The following ANKS1B variants were observed in gnomAD, a reference collection of about 807,000 sequenced individuals.
The protein encoded by ANKS1B is ankyrin repeat and sterile alpha motif domain-containing protein 1B.
In ANKS1B, 36 loss-of-function variants were observed where a neutral mutation model predicts 148.3. The ratio of observed to expected loss-of-function variants is 0.24; its 90% confidence interval spans 0.19 to 0.32. The LOEUF is 0.32. ANKS1B is among the 10% of genes least tolerant of loss of function. The pLI is 1.00. For synonymous variants in ANKS1B, 542 were observed against 560.8 expected (o/e 0.97, Z 0.47); for missense variants, 1,157 against 1,542.6 (o/e 0.75, Z 4.19).
At chr12:99,393,211 A>G (rs2094137353) in intron 12 of ANKS1B, among the ~76,000 whole-genome samples, 1 of 152,206 alleles carries the variant, frequency 6.6e-6, no homozygotes, top group African/African-American at 2.4e-5. Flanking sequence ...TTACCCGAGG[A>G]AAGAAGAACA....
At chr12:99,327,272 ATTTAT>A (rs2152242324) in intron 12 of ANKS1B, among the ~76,000 whole-genome samples, 1 of 114,548 alleles carries the variant, frequency 8.7e-6, no homozygotes, top group Admixed American at 1.1e-4. Context: ...AATAATTATA[ATTTAT>A]TATAATTATA....
intron 16 of ANKS1B, among the ~76,000 whole-genome samples, chr12:99,059,008 ATTACAGGC>A (rs2041400363): frequency 5.5e-5 from 1 of 18,294 alleles, no homozygotes; most frequent in African/African-American, 2.1e-4. Context: ...AAGTGCTGGG[ATTACAGGC>A]GTGAGCCACC....
intron 9 of ANKS1B, among the ~76,000 whole-genome samples, chr12:99,588,677 A>G (rs1567418771): frequency 6.6e-6 from 1 of 152,104 alleles, no homozygotes; most frequent in Non-Finnish European, 1.5e-5. Flanking sequence ...ATTCTATGGA[A>G]GGTACAATTT....
intron 10 of ANKS1B, among the ~76,000 whole-genome samples, chr12:99,469,921 A>T (rs2096210037): frequency 6.6e-6 from 1 of 151,988 alleles, no homozygotes; most frequent in African/African-American, 2.4e-5. Context: ...GGAGTTCCAG[A>T]CAAGCCTGGG....
At chr12:98,800,671 C>CAGAG (rs72307059) in intron 21 of ANKS1B, among the ~76,000 whole-genome samples, 1 of 29,898 alleles carries the variant, frequency 3.3e-5, no homozygotes, top group African/African-American at 1.5e-4. Context: ...GGTGAGTGAG[C>CAGAG]AGAGATATAT....
intron 17 of ANKS1B, among the ~76,000 whole-genome samples, chr12:98,886,485 A>C (rs1418654601): frequency 6.6e-6 from 1 of 152,236 alleles, no homozygotes; most frequent in Non-Finnish European, 1.5e-5. Flanking sequence ...AAACTAATAG[A>C]TATGGAAGAG....
intron 12 of ANKS1B, among the ~76,000 whole-genome samples, chr12:99,388,145 T>G (rs781441180): frequency 7.4e-4 from 113 of 152,064 alleles, no homozygotes; most frequent in Non-Finnish European, 9.6e-4. Context: ...AAAATAAAAA[T>G]AAAAAAAGAA....
At chr12:99,671,789 T>C (rs766882932) in intron 8 of ANKS1B, among the ~76,000 whole-genome samples, 6 of 152,150 alleles carry the variant, frequency 3.9e-5, no homozygotes, top group Non-Finnish European at 7.4e-5. Context: ...TAAAGTAGTA[T>C]GTGGTACTAC....
intron 17 of ANKS1B, among the ~76,000 whole-genome samples, chr12:98,851,056 G>A (rs2099522189): frequency 6.6e-6 from 1 of 152,174 alleles, no homozygotes; most frequent in African/African-American, 2.4e-5. Context: ...GTTCCTACTG[G>A]CAGCTTCTAT....
chr12:99,298,444 C>T (rs1019373683), intron 12 of ANKS1B, among the ~76,000 whole-genome samples: 3 of 152,142 alleles, frequency 2.0e-5, no homozygotes, highest in East Asian at 1.9e-4. Context: ...ATCTTGCTTC[C>T]CCTTTGCCTT....
At chr12:99,973,307 C>T in intron 1 of ANKS1B, among the ~76,000 whole-genome samples, 1 of 152,268 alleles carries the variant, frequency 6.6e-6, no homozygotes, top group East Asian at 1.9e-4. Flanking sequence ...GGGCCAGGTG[C>T]AGTGGCCCAT....
chr12:98,931,481 A>C (rs2099813643), intron 17 of ANKS1B, among the ~76,000 whole-genome samples: 1 of 152,220 alleles, frequency 6.6e-6, no homozygotes, highest in Admixed American at 6.5e-5. Context: ...GTTTTCTATT[A>C]GGATTATAAT....
chr12:98,801,090 T>C lies in ANKS1B; in HGVS notation c.3177A>G (p.Arg1059=), dbSNP rs1594132006. The C allele has an allele frequency of 3.7e-6, 6 of 1,612,424 alleles. No homozygotes were observed. The highest frequency in any genetic ancestry group is 5.1e-6 in the Non-Finnish European group (6 of 1,179,384). Reference sequence around the variant, plus strand: ...TAGAGGCTGTGGCTTCATTCGGAGGTCGCAAGGTAATGGAAGGTTCTCCCC... The same window carrying C: ...TAGAGGCTGTGGCTTCATTCGGAGGCCGCAAGGTAATGGAAGGTTCTCCCC... ...GDWGEPSITL[R]PPNEATASTP... The change falls in exon 21 of 27, where the codon CGA becomes CGG. Residue 1059 remains arginine (R), a synonymous_variant. Transcript: ENST00000683438. The surrounding 1 kb of genome is among the most constrained non-coding windows in gnomAD (Gnocchi z 5.2).
chr12:99,758,118 T>C (rs1468930216), intron 8 of ANKS1B, among the ~76,000 whole-genome samples: 1 of 151,930 alleles, frequency 6.6e-6, no homozygotes, highest in Non-Finnish European at 1.5e-5. Flanking sequence ...CTCTCATTGA[T>C]TTTTGACCGT....
chr12:99,568,904 T>C (rs1435620363), intron 9 of ANKS1B, among the ~76,000 whole-genome samples: 1 of 152,192 alleles, frequency 6.6e-6, no homozygotes, highest in Non-Finnish European at 1.5e-5. Context: ...TTACTCCCAT[T>C]CAGTAGCTTA....
intron 1 of ANKS1B, among the ~76,000 whole-genome samples, chr12:99,882,936 T>C (rs117556246): frequency 6.6e-6 from 1 of 152,268 alleles, no homozygotes; most frequent in Non-Finnish European, 1.5e-5. Flanking sequence ...GGACTAACAA[T>C]GAGATAAAGA....
intron 11 of ANKS1B, among the ~76,000 whole-genome samples, chr12:99,425,914 A>C (rs553301359): frequency 6.6e-6 from 1 of 152,266 alleles, no homozygotes; most frequent in African/African-American, 2.4e-5. Context: ...ATTTCTATGA[A>C]GTCAAGGCTA....
intron 10 of ANKS1B, among the ~76,000 whole-genome samples, chr12:99,491,242 T>C (rs1274037406): frequency 1.3e-5 from 2 of 151,904 alleles, no homozygotes; most frequent in Non-Finnish European, 2.9e-5. Flanking sequence ...GAGGCGGAGC[T>C]TGCAGTGAGC....
At chr12:98,743,940 G>A (rs569382447), downstream of ANKS1B, 86 of 925,308 alleles carry the variant, frequency 9.3e-5, 1 homozygote, top group Middle Eastern at 1.7e-3. Context: ...AATGGGAGTG[G>A]GGAAGGTGCT....
Sources: allele counts gnomAD v4.1 joint callset (sites outside exome capture counted in the v4.1 genomes callset), GRCh38; gene constraint gnomAD v4.1.1; non-coding constraint Gnocchi (gnomAD v3.1); transcripts MANE v1.5; gene names NCBI Gene and HGNC (gene_info 2026-07-23, HGNC 2026-07-21).